Variants in PLPPR1 observed in about 807,000 individuals in gnomAD.
PLPPR1 encodes phospholipid phosphatase-related protein type 1.
PLPPR1 carries 10 observed loss-of-function variants against 33.1 expected under a neutral mutation model. The observed-to-expected ratio is 0.30, with a 90% CI of 0.19 to 0.51. PLPPR1 has a LOEUF of 0.51. Among genes scored for constraint, PLPPR1 ranks in the 20% least tolerant of loss-of-function variants. PLPPR1 has a pLI of 0.97. For synonymous variants in PLPPR1, 151 were observed against 151.0 expected (o/e 1.00, Z 0.00); for missense variants, 304 against 408.1 (o/e 0.74, Z 2.20).
intron 2 of PLPPR1, among the ~76,000 whole-genome samples, chr9:101,214,701 A>T (rs1471121661): frequency 6.6e-6 from 1 of 152,188 alleles, no homozygotes; most frequent in Non-Finnish European, 1.5e-5. Context: ...GAAAGAATCA[A>T]CAAACTATAT....
chr9:101,219,219 CATGTAG>C (rs1231991036), intron 2 of PLPPR1, among the ~76,000 whole-genome samples: 2 of 152,130 alleles, frequency 1.3e-5, no homozygotes, highest in African/African-American at 2.4e-5. Context: ...TCCCAGACAC[CATGTAG>C]ATAGATGGTC....
chr9:101,268,783 AT>A (rs558846751), intron 2 of PLPPR1, among the ~76,000 whole-genome samples: 1 of 152,054 alleles, frequency 6.6e-6, no homozygotes, highest in South Asian at 2.1e-4. Flanking sequence ...CCAAGTTCTG[AT>A]TTTTTTTCAT....
chr9:101,278,137 G>T (rs1828231097), intron 3 of PLPPR1, among the ~76,000 whole-genome samples: 1 of 152,118 alleles, frequency 6.6e-6, no homozygotes, highest in Non-Finnish European at 1.5e-5. Context: ...CTTTTAAATT[G>T]CAACCACATA....
At chr9:101,249,107 A>T (rs1007482797) in intron 2 of PLPPR1, among the ~76,000 whole-genome samples, 2 of 152,078 alleles carry the variant, frequency 1.3e-5, no homozygotes, top group African/African-American at 2.4e-5. Flanking sequence ...TAGGTGACAG[A>T]TTTGGGGATT....
At chr9:101,038,629 TA>T (rs1662567371) in intron 1 of PLPPR1, among the ~76,000 whole-genome samples, 1 of 152,164 alleles carries the variant, frequency 6.6e-6, no homozygotes, top group South Asian at 2.1e-4. Flanking sequence ...TCCAGCCTGT[TA>T]AACCAGTGCT....
chr9:101,030,246 TG>T (rs1031617077), intron 1 of PLPPR1, among the ~76,000 whole-genome samples: 1 of 151,704 alleles, frequency 6.6e-6, no homozygotes, highest in African/African-American at 2.4e-5. Context: ...AGTCCAGGAC[TG>T]GGACAAAGGG....
chr9:101,141,498 G>C lies in PLPPR1; in HGVS notation c.-45-43952G>C, dbSNP rs1018343755. On this transcript the variant is annotated intron_variant, in intron 1 of 7. Transcript: ENST00000374874. Reference sequence around the variant, plus strand: ...CAAATGGCAAATCTTACTACTCCCTGTTAGATGAAATTGAACTGAAGTAAA... The same window carrying C: ...CAAATGGCAAATCTTACTACTCCCTCTTAGATGAAATTGAACTGAAGTAAA... Among the ~76,000 whole-genome samples, 7 of 152,238 alleles carry C rather than the reference G, an allele frequency of 4.6e-5. No individual in the cohort carries two copies. The East Asian group carries it at 1.3e-3, about 29-fold the overall frequency.
rs1182891826 is a variant in PLPPR1, at chr9:101,270,388, T to C, written c.252+320T>C. Among the ~76,000 whole-genome samples the C allele has an allele frequency of 2.6e-5, 4 of 152,228 alleles. No individual in the cohort carries two copies. In the East Asian group the frequency reaches 7.7e-4, roughly 29 times the overall value. On this transcript the variant is annotated intron_variant, in intron 3 of 7. Coordinates refer to ENST00000374874, the MANE Select transcript of PLPPR1 (RefSeq NM_207299.2). Reference sequence around the variant, plus strand: ...CAGCTATTGTCCTCTTGAAAAAATATGCTATGAGTTGCAAGTATTCACAAG... The same window carrying C: ...CAGCTATTGTCCTCTTGAAAAAATACGCTATGAGTTGCAAGTATTCACAAG...
intron 1 of PLPPR1, among the ~76,000 whole-genome samples, chr9:101,046,588 T>C (rs139057455): frequency 0.014 from 2,161 of 151,964 alleles, 55 homozygotes; most frequent in African/African-American, 0.05. Context: ...TACCTGCGTC[T>C]GCCACCACGC....
chr9:101,079,606 G>A (rs1830593033), intron 1 of PLPPR1, among the ~76,000 whole-genome samples: 1 of 148,402 alleles, frequency 6.7e-6, no homozygotes, highest in Non-Finnish European at 1.5e-5. Flanking sequence ...TTGAGACAGA[G>A]TCTAGCTCTT....
At chr9:101,155,110 TA>T (rs71356336) in intron 1 of PLPPR1, among the ~76,000 whole-genome samples, 10 of 149,706 alleles carry the variant, frequency 6.7e-5, no homozygotes, top group Admixed American at 2.0e-4. Flanking sequence ...TAAAGTATAA[TA>T]AAAAAAAAAG....
intron 1 of PLPPR1, among the ~76,000 whole-genome samples, chr9:101,050,201 G>A (rs1830203585): frequency 6.7e-6 from 1 of 150,256 alleles, no homozygotes; most frequent in African/African-American, 2.5e-5. Flanking sequence ...AACTATAACA[G>A]GAGCTTCCTT....
At position 101,323,598 on chromosome 9, in the gene PLPPR1, G is replaced by C. The variant is rs201768509; in HGVS notation, c.946-427G>C. Among the ~76,000 whole-genome samples, 34 of 152,246 alleles carry C rather than the reference G, an allele frequency of 2.2e-4. No individual in the cohort carries two copies. In the East Asian group the frequency reaches 5.8e-3, roughly 26 times the overall value. ...CTCATGCCTATAATCCCAGCACTTT[G>C]GGAGGCTGGGGCGGGTGGATCACCT... On this transcript the variant is annotated intron_variant, in intron 7 of 7. Coordinates refer to ENST00000374874, the MANE Select transcript of PLPPR1 (RefSeq NM_207299.2).
chr9:101,159,885 G>A (rs1218246591), intron 1 of PLPPR1, among the ~76,000 whole-genome samples: 1 of 152,200 alleles, frequency 6.6e-6, no homozygotes, highest in African/African-American at 2.4e-5. Flanking sequence ...TCCAGGGAGT[G>A]AGACCTTTAG....
At chr9:101,070,585 T>C (rs1456858954) in intron 1 of PLPPR1, among the ~76,000 whole-genome samples, 1 of 152,050 alleles carries the variant, frequency 6.6e-6, no homozygotes, top group Non-Finnish European at 1.5e-5. Flanking sequence ...ACTGGCTACT[T>C]CCTCTGTCTG....
At chr9:101,250,008 C>T (rs1827688552) in intron 2 of PLPPR1, among the ~76,000 whole-genome samples, 1 of 152,090 alleles carries the variant, frequency 6.6e-6, no homozygotes, top group African/African-American at 2.4e-5. Context: ...AGAATTAAAT[C>T]CGTGCTGCCT....
At chr9:101,156,990 G>T (rs1330642390) in intron 1 of PLPPR1, among the ~76,000 whole-genome samples, 1 of 152,096 alleles carries the variant, frequency 6.6e-6, no homozygotes, top group Non-Finnish European at 1.5e-5. Flanking sequence ...TATTACAGAA[G>T]GATCATTTGG....
intron 2 of PLPPR1, among the ~76,000 whole-genome samples, chr9:101,268,116 G>A (rs147548551): frequency 6.6e-6 from 1 of 151,962 alleles, no homozygotes; most frequent in African/African-American, 2.4e-5. Flanking sequence ...GGTAGGGGAG[G>A]GGGGAGAGAT....
At chr9:101,044,780 G>T (rs1245683495) in intron 1 of PLPPR1, among the ~76,000 whole-genome samples, 2 of 152,178 alleles carry the variant, frequency 1.3e-5, no homozygotes, top group Non-Finnish European at 2.9e-5. Context: ...AGGATCAGAT[G>T]TGTTTCTCTT....
Sources: allele counts gnomAD v4.1 joint callset (sites outside exome capture counted in the v4.1 genomes callset), GRCh38; gene constraint gnomAD v4.1.1; transcripts MANE v1.5; gene names NCBI Gene and HGNC (gene_info 2026-07-23, HGNC 2026-07-21).